The following GPC5 variants were observed in gnomAD, a reference collection of about 807,000 sequenced individuals.
GPC5 encodes glypican 5.
In GPC5, 47 loss-of-function variants were observed where a neutral mutation model predicts 53.9. The ratio of observed to expected loss-of-function variants is 0.87; its 90% CI spans 0.69 to 1.11. The LOEUF is 1.11. Ranked by LOEUF, GPC5 falls within the 50% of genes most tolerant of loss-of-function variation. The pLI is 0.00. For missense variants in GPC5, 748 were observed against 713.1 expected (o/e 1.05, Z -0.56); for synonymous variants, 286 against 263.3 (o/e 1.09, Z -0.84).
intron 2 of GPC5, among the ~76,000 whole-genome samples, chr13:91,633,148 T>G (rs1289739106): frequency 6.6e-6 from 1 of 152,166 alleles, no homozygotes; most frequent in Non-Finnish European, 1.5e-5. Flanking sequence ...AGAATACCAT[T>G]CTGGGAGAAG....
At chr13:91,628,993 ATGACATATCTT>A (rs1304133789) in intron 2 of GPC5, among the ~76,000 whole-genome samples, 3 of 152,198 alleles carry the variant, frequency 2.0e-5, no homozygotes, top group Non-Finnish European at 4.4e-5. Flanking sequence ...AGTGGAGATA[ATGACATATCTT>A]TTGGAGAGTT....
intron 7 of GPC5, among the ~76,000 whole-genome samples, chr13:92,408,738 GTTT>G (rs1289379126): frequency 6.6e-6 from 1 of 151,730 alleles, no homozygotes; most frequent in Non-Finnish European, 1.5e-5. Flanking sequence ...AACAGCCAAA[GTTT>G]TTTTATGAAA....
intron 6 of GPC5, among the ~76,000 whole-genome samples, chr13:92,091,070 G>T (rs1455077287): frequency 1.3e-5 from 2 of 152,202 alleles, no homozygotes; most frequent in Non-Finnish European, 2.9e-5. Flanking sequence ...CCAGCCTCCA[G>T]AATTGCGAGA....
At chr13:91,774,515 C>T (rs1172961369) in intron 5 of GPC5, among the ~76,000 whole-genome samples, 2 of 152,092 alleles carry the variant, frequency 1.3e-5, no homozygotes, top group African/African-American at 4.8e-5. Flanking sequence ...CAGGATGCTA[C>T]AGGAGTATAT....
chr13:92,547,260 A>G (rs551757496), intron 7 of GPC5, among the ~76,000 whole-genome samples: 1 of 152,306 alleles, frequency 6.6e-6, no homozygotes, highest in East Asian at 1.9e-4. Flanking sequence ...TATGGCCTAA[A>G]ATAATAATAA....
At chr13:92,212,228 G>A (rs930435786) in intron 7 of GPC5, among the ~76,000 whole-genome samples, 1 of 152,086 alleles carries the variant, frequency 6.6e-6, no homozygotes, top group African/African-American at 2.4e-5. Context: ...GGTACCATTA[G>A]CCTCACCTCT....
At chr13:91,758,038 C>T (rs1208866934) in intron 5 of GPC5, among the ~76,000 whole-genome samples, 1 of 151,916 alleles carries the variant, frequency 6.6e-6, no homozygotes, top group Non-Finnish European at 1.5e-5. Flanking sequence ...CTCATAGAGA[C>T]TTAGACTTCA....
intron 5 of GPC5, among the ~76,000 whole-genome samples, chr13:91,897,545 C>T (rs185523635): frequency 6.6e-6 from 1 of 152,172 alleles, no homozygotes; most frequent in Non-Finnish European, 1.5e-5. Flanking sequence ...TGGATAGGCT[C>T]CCATCCCTGA....
intron 1 of GPC5, among the ~76,000 whole-genome samples, chr13:91,441,284 G>A (rs887657601): frequency 2.0e-5 from 3 of 152,140 alleles, no homozygotes; most frequent in Non-Finnish European, 2.9e-5. Context: ...TCACTTCAGG[G>A]CAGGGAACTT....
At position 92,271,631 on chromosome 13, in the gene GPC5, T is replaced by C. The variant is rs1183544149; in HGVS notation, c.1561+126642T>C. Among the ~76,000 whole-genome samples the C allele has an allele frequency of 2.6e-5, 4 of 152,196 alleles. No individual in the cohort carries two copies. In the East Asian group the frequency reaches 7.7e-4, roughly 29 times the overall value. On this transcript the variant is annotated intron_variant, in intron 7 of 7. Coordinates refer to ENST00000377067, the MANE Select transcript of GPC5 (RefSeq NM_004466.6). ...TTAATAGGCACGTTTAGTAAGGATG[T>C]AAGGCATAATGATATTCCTCTGAGA... is the stretch of plus-strand genomic sequence containing the variant.
At chr13:92,756,229 C>T (rs1344810503) in intron 7 of GPC5, among the ~76,000 whole-genome samples, 3 of 151,936 alleles carry the variant, frequency 2.0e-5, no homozygotes, top group African/African-American at 7.3e-5. Flanking sequence ...AAGACAAAAA[C>T]CACATGATTA....
At chr13:91,977,125 G>A (rs2040310757) in intron 6 of GPC5, among the ~76,000 whole-genome samples, 1 of 151,772 alleles carries the variant, frequency 6.6e-6, no homozygotes. Flanking sequence ...CCAAAAAACA[G>A]TAAACATCGT....
intron 7 of GPC5, among the ~76,000 whole-genome samples, chr13:92,481,854 C>T (rs1343719199): frequency 2.0e-5 from 3 of 152,054 alleles, no homozygotes; most frequent in Non-Finnish European, 2.9e-5. Context: ...TGTGGCTGGG[C>T]GCAGTGGCTG....
chr13:91,882,212 T>C (rs1334338820), intron 5 of GPC5, among the ~76,000 whole-genome samples: 3 of 152,176 alleles, frequency 2.0e-5, no homozygotes, highest in Non-Finnish European at 4.4e-5. Context: ...TAATGTAACC[T>C]GTATGGTTTT....
intron 7 of GPC5, among the ~76,000 whole-genome samples, chr13:92,166,749 A>G (rs76693777): frequency 0.038 from 5,829 of 152,268 alleles, 250 homozygotes; most frequent in African/African-American, 0.098. Flanking sequence ...ACACTTGAGT[A>G]TCACAGTCTT....
At chr13:92,328,135 T>C (rs966362528) in intron 7 of GPC5, among the ~76,000 whole-genome samples, 6 of 152,174 alleles carry the variant, frequency 3.9e-5, no homozygotes, top group African/African-American at 1.2e-4. Flanking sequence ...TTCTTGAGAA[T>C]AGGAAATAGG....
intron 7 of GPC5, among the ~76,000 whole-genome samples, chr13:92,432,162 G>C (rs1399750682): frequency 2.6e-5 from 4 of 152,140 alleles, no homozygotes; most frequent in Non-Finnish European, 5.9e-5. Context: ...TGAGGACACA[G>C]CAAGAAGGTG....
chr13:92,681,590 A>G (rs1887112355), intron 7 of GPC5, among the ~76,000 whole-genome samples: 1 of 152,038 alleles, frequency 6.6e-6, no homozygotes, highest in African/African-American at 2.4e-5. Flanking sequence ...AATCACACCT[A>G]CTTGTCTCAT....
At chr13:91,691,158 G>A (rs147953240) in intron 2 of GPC5, among the ~76,000 whole-genome samples, 52 of 152,318 alleles carry the variant, frequency 3.4e-4, no homozygotes, top group African/African-American at 1.2e-3. Context: ...GACTGCAGCT[G>A]TGGGGTCAGG....
Sources: allele counts gnomAD v4.1 joint callset (sites outside exome capture counted in the v4.1 genomes callset), GRCh38; gene constraint gnomAD v4.1.1; transcripts MANE v1.5; gene names NCBI Gene and HGNC (gene_info 2026-07-23, HGNC 2026-07-21).